ENTREP2: variants seen among roughly 807,000 people sequenced by gnomAD.
The protein encoded by ENTREP2 is endosomal transmembrane epsin interactor 2.
At chr15:29,347,664 T>A in the ENTREP2 span, among the ~76,000 whole-genome samples, 1 of 152,100 alleles carries the variant, frequency 6.6e-6, no homozygotes. Context: ...GAAAGGAAAG[T>A]GCTAGGAAAC....
chr15:29,489,907 T>C, the ENTREP2 span, among the ~76,000 whole-genome samples: 6 of 152,254 alleles, frequency 3.9e-5, no homozygotes, highest in Non-Finnish European at 7.3e-5. Flanking sequence ...CCTGAAGTTT[T>C]GCTACAAAGA....
the ENTREP2 span, among the ~76,000 whole-genome samples, chr15:29,424,876 A>G: frequency 1.3e-5 from 2 of 152,180 alleles, no homozygotes; most frequent in Non-Finnish European, 2.9e-5. Context: ...CTGTGTCTCC[A>G]AGTATCTTGT....
the ENTREP2 span, among the ~76,000 whole-genome samples, chr15:29,656,817 T>TACC: frequency 6.6e-6 from 1 of 152,186 alleles, no homozygotes; most frequent in Non-Finnish European, 1.5e-5. Context: ...AGCATGTACT[T>TACC]ACCCTATGAC....
chr15:29,561,291 A>G, the ENTREP2 span, among the ~76,000 whole-genome samples: 1 of 152,034 alleles, frequency 6.6e-6, no homozygotes, highest in Non-Finnish European at 1.5e-5. Flanking sequence ...AAATATCTGC[A>G]CCCCCATGTT....
At chr15:29,164,564 C>T in the ENTREP2 span, among the ~76,000 whole-genome samples, 2 of 152,164 alleles carry the variant, frequency 1.3e-5, no homozygotes, top group African/African-American at 2.4e-5. Context: ...AAAGCAATAT[C>T]AGTTAAAAGA....
At chr15:29,451,424 G>A in the ENTREP2 span, among the ~76,000 whole-genome samples, 1 of 152,114 alleles carries the variant, frequency 6.6e-6, no homozygotes, top group African/African-American at 2.4e-5. Flanking sequence ...ACAGCACACC[G>A]ACCCCACAGA....
At chr15:29,361,617 G>A in the ENTREP2 span, among the ~76,000 whole-genome samples, 6 of 151,934 alleles carry the variant, frequency 3.9e-5, no homozygotes, top group Non-Finnish European at 5.9e-5. Flanking sequence ...GTCATTGCAC[G>A]GCTCAGGGCC....
the ENTREP2 span, among the ~76,000 whole-genome samples, chr15:29,415,439 G>A: frequency 2.0e-5 from 3 of 152,114 alleles, no homozygotes; most frequent in Admixed American, 6.6e-5. Flanking sequence ...GCCTTTGACA[G>A]AATTCAACAA....
the ENTREP2 span, among the ~76,000 whole-genome samples, chr15:29,519,159 T>A: frequency 7.9e-4 from 117 of 147,402 alleles, no homozygotes; most frequent in Admixed American, 2.6e-3. Flanking sequence ...TCTCTCTCTC[T>A]CACACACACA....
chr15:29,268,771 G>A, the ENTREP2 span: 7 of 1,578,874 alleles, frequency 4.4e-6, no homozygotes, highest in South Asian at 3.5e-5. Context: ...TTGTCCCGGG[G>A]GTCCCTCTGA....
the ENTREP2 span, among the ~76,000 whole-genome samples, chr15:29,561,349 G>A: frequency 1.3e-5 from 2 of 152,044 alleles, no homozygotes; most frequent in African/African-American, 2.4e-5. Flanking sequence ...ATACATAGGA[G>A]AGAATGGAAA....
chr15:29,255,862 A>G, the ENTREP2 span, among the ~76,000 whole-genome samples: 2 of 152,024 alleles, frequency 1.3e-5, no homozygotes, highest in Admixed American at 6.6e-5. Context: ...TTAGCCAGGC[A>G]TGGTGGTGGG....
chr15:29,464,623 G>A, the ENTREP2 span, among the ~76,000 whole-genome samples: 1 of 152,162 alleles, frequency 6.6e-6, no homozygotes, highest in Non-Finnish European at 1.5e-5. Context: ...TATGAGATTG[G>A]CATATTAGAG....
the ENTREP2 span, among the ~76,000 whole-genome samples, chr15:29,173,527 G>A: frequency 6.6e-6 from 1 of 152,136 alleles, no homozygotes; most frequent in African/African-American, 2.4e-5. Flanking sequence ...ACTCAAGTAG[G>A]TGAACCCCGG....
the ENTREP2 span, among the ~76,000 whole-genome samples, chr15:29,561,488 C>A: frequency 2.0e-5 from 3 of 151,944 alleles, no homozygotes; most frequent in Non-Finnish European, 4.4e-5. Context: ...GAGATCGAGA[C>A]CATCTTGGCT....
the ENTREP2 span, among the ~76,000 whole-genome samples, chr15:29,334,073 CAGTCTGCAG>C: frequency 1.3e-5 from 2 of 152,186 alleles, no homozygotes; most frequent in Non-Finnish European, 2.9e-5. Flanking sequence ...CTCTGCTTTC[CAGTCTGCAG>C]AACTGTGAAG....
the ENTREP2 span, among the ~76,000 whole-genome samples, chr15:29,550,429 G>A: frequency 6.6e-6 from 1 of 152,152 alleles, no homozygotes; most frequent in Non-Finnish European, 1.5e-5. Flanking sequence ...GCCAAGAATT[G>A]TAAATAATTT....
At chr15:29,524,104 G>GA in the ENTREP2 span, among the ~76,000 whole-genome samples, 1 of 151,922 alleles carries the variant, frequency 6.6e-6, no homozygotes, top group East Asian at 1.9e-4. Context: ...CAAACTGGAA[G>GA]AAAAAAATTG....
chr15:29,549,274 C>CTT, the ENTREP2 span, among the ~76,000 whole-genome samples: 147 of 145,058 alleles, frequency 1.0e-3, 5 homozygotes, highest in Admixed American at 1.3e-3. Flanking sequence ...ATTTGTTATA[C>CTT]ATTTTTTTTT....
Sources: gnomAD v4.1 joint callset for allele counts (sites outside exome capture counted in the v4.1 genomes callset) on GRCh38, gnomAD v4.1.1 for gene constraint, MANE v1.5 for transcripts, NCBI Gene and HGNC (gene_info 2026-07-23, HGNC 2026-07-21) for gene names.